Variants in FRK observed in about 807,000 individuals in gnomAD.
The protein encoded by FRK is tyrosine-protein kinase FRK.
FRK carries 51 observed loss-of-function variants against 56.4 expected under a neutral mutation model. The ratio of observed to expected loss-of-function variants is 0.90; its 90% confidence interval spans 0.72 to 1.14. The LOEUF (loss-of-function observed/expected upper bound fraction) is 1.14, where lower values mean the gene tolerates loss of function less well. Among genes scored for constraint, FRK ranks in the 50% most tolerant of loss-of-function variants. The pLI is 0.00. For synonymous variants in FRK, 245 were observed against 217.9 expected (o/e 1.12, Z -1.10); for missense variants, 570 against 601.4 (o/e 0.95, Z 0.55).
intron 1 of FRK, among the ~76,000 whole-genome samples, chr6:116,012,340 C>T (rs1395203819): frequency 6.6e-6 from 1 of 152,182 alleles, no homozygotes; most frequent in Admixed American, 6.6e-5. Flanking sequence ...TCAACTTTAT[C>T]CTCCCTATAT....
intron 1 of FRK, among the ~76,000 whole-genome samples, chr6:116,041,889 G>A (rs980395844): frequency 3.9e-5 from 6 of 152,170 alleles, no homozygotes; most frequent in African/African-American, 9.7e-5. Flanking sequence ...GATCACCAGC[G>A]AGACAGAACC....
Position 115,953,180 on chromosome 6 carries a change from A to ATT in FRK, c.958+3270_958+3271dup, listed in dbSNP as rs1554224845. Among the ~76,000 whole-genome samples the ATT allele has an allele frequency of 3.2e-3, 335 of 103,980 alleles. 13 individuals are homozygous for ATT. The highest frequency in any genetic ancestry group is 0.011 in the Middle Eastern group (2 of 176). 68.2% of individuals were successfully genotyped at this position (103,980 alleles called of 152,430 possible). A position where few individuals can be genotyped will look rare whatever the true frequency, so the allele number is the denominator to read the frequency against. On this transcript the variant is annotated intron_variant, in intron 5 of 7. Transcript: ENST00000606080. ...AGAGTGGTACATCCATTTTAAGGCC[A>ATT]TTTTTTTTTTTTTTTTTTTTTTTTT...
intron 1 of FRK, among the ~76,000 whole-genome samples, chr6:116,058,541 T>TA (rs1777481082): frequency 6.6e-6 from 1 of 152,112 alleles, no homozygotes; most frequent in Admixed American, 6.6e-5. Flanking sequence ...GACGCTCACA[T>TA]AAAAATAAGA....
At chr6:115,981,086 C>T (rs1774181567) in intron 2 of FRK, among the ~76,000 whole-genome samples, 1 of 152,004 alleles carries the variant, frequency 6.6e-6, no homozygotes, top group Non-Finnish European at 1.5e-5. Flanking sequence ...ACTTACTAAA[C>T]ATAAGAAAGA....
At chr6:115,943,998 A>G (rs1772316177) in intron 6 of FRK, among the ~76,000 whole-genome samples, 1 of 152,196 alleles carries the variant, frequency 6.6e-6, no homozygotes, top group South Asian at 2.1e-4. Context: ...TAGATCATTA[A>G]TTCAACTATA....
intron 1 of FRK, among the ~76,000 whole-genome samples, chr6:116,050,728 C>T (rs991951405): frequency 6.6e-6 from 1 of 152,174 alleles, no homozygotes; most frequent in African/African-American, 2.4e-5. Flanking sequence ...TCATATCTCC[C>T]ACTACACAAA....
chr6:116,038,873 G>A (rs1776596658), intron 1 of FRK: 1 of 559,576 alleles, frequency 1.8e-6, no homozygotes, highest in Non-Finnish European at 3.5e-6. Context: ...CACTGAGGTG[G>A]TTTGCACTCT....
intron 5 of FRK, among the ~76,000 whole-genome samples, chr6:115,948,788 T>A (rs991600120): frequency 1.3e-5 from 2 of 152,228 alleles, no homozygotes; most frequent in African/African-American, 2.4e-5. Context: ...GGAGCAATGA[T>A]AATCTTTTAA....
the FRK span, among the ~76,000 whole-genome samples, chr6:116,093,405 A>G: frequency 6.6e-6 from 1 of 152,232 alleles, no homozygotes; most frequent in African/African-American, 2.4e-5. Flanking sequence ...TGATAGGTAC[A>G]TAGATGTCCT....
chr6:115,960,380 G>A (rs1773299960), intron 4 of FRK, among the ~76,000 whole-genome samples: 2 of 151,178 alleles, frequency 1.3e-5, no homozygotes, highest in Admixed American at 1.3e-4. Flanking sequence ...CCCACACCTG[G>A]CTCAGAGGGT....
At position 115,943,017 on chromosome 6, in the gene FRK, C is replaced by T; in HGVS notation, c.1306+3G>A. The T allele has an allele frequency of 1.2e-6, 2 of 1,608,100 alleles. No individual in the cohort carries two copies. The highest frequency in any genetic ancestry group is 1.7e-6 in the Non-Finnish European group (2 of 1,177,916). On this transcript the variant is annotated splice_donor_region_variant and intron_variant, in intron 7 of 7. Transcript: ENST00000606080. ...AAGGTCCACTTCAGAATTAATTACT[C>T]ACCACTGTAAGGCATTTTGCCATAA...
In FRK at chr6:115,956,240, CT is replaced by C. The variant is rs375042662; in HGVS notation, c.958+211del. 1.9e-3 allele frequency among the ~76,000 whole-genome samples: 285 copies of C among 152,268 alleles called. 12 individuals carry two copies. In the South Asian group the frequency reaches 0.036, roughly 19 times the overall value. ...TAATATATCTGTTGTGAATAATTTT[CT>C]CTTCCACTGCATAAATATTTTCCAC... is the stretch of plus-strand genomic sequence containing the variant. On this transcript the variant is annotated intron_variant, in intron 5 of 7. Coordinates refer to ENST00000606080, the MANE Select transcript of FRK (RefSeq NM_002031.3).
At chr6:116,087,774 G>C in the FRK span, among the ~76,000 whole-genome samples, 1 of 152,232 alleles carries the variant, frequency 6.6e-6, no homozygotes, top group Non-Finnish European at 1.5e-5. Flanking sequence ...GGCCACTGTA[G>C]CAGATGGCAC....
chr6:116,003,561 G>A (rs778010255), intron 2 of FRK, among the ~76,000 whole-genome samples: 50 of 152,142 alleles, frequency 3.3e-4, no homozygotes, highest in African/African-American at 1.2e-3. Context: ...CAACAGTAGA[G>A]TTTTTGTTTC....
At chr6:116,061,793 T>A (rs184007043), upstream of FRK, among the ~76,000 whole-genome samples, 8 of 152,062 alleles carry the variant, frequency 5.3e-5, no homozygotes, top group East Asian at 1.5e-3. Context: ...ACTTTTTTTT[T>A]ATTTCTTTCT....
At chr6:116,069,890 T>G in the FRK span, among the ~76,000 whole-genome samples, 1 of 152,100 alleles carries the variant, frequency 6.6e-6, no homozygotes, top group African/African-American at 2.4e-5. Context: ...ACAGTCTGCC[T>G]TTTTAACAAG....
chr6:115,967,765 G>T, intron 3 of FRK, 46 bp from the exon 4 acceptor site: 1 of 1,211,996 alleles, frequency 8.3e-7, no homozygotes, highest in Non-Finnish European at 1.1e-6. Context: ...AAAAAAAGTA[G>T]ATTTAATATT....
At chr6:116,047,355 CAG>C (rs571571664) in intron 1 of FRK, among the ~76,000 whole-genome samples, 153 of 150,622 alleles carry the variant, frequency 1.0e-3, no homozygotes, top group African/African-American at 3.5e-3. Flanking sequence ...TAGGAAACTG[CAG>C]ACTCTACCCA....
intron 1 of FRK, chr6:116,039,618 C>G (rs1776635144): frequency 2.6e-6 from 2 of 763,842 alleles, no homozygotes; most frequent in Non-Finnish European, 4.9e-6. Flanking sequence ...GCGGCCTCAT[C>G]CAAACTGTAC....
Sources: allele counts gnomAD v4.1 joint callset (sites outside exome capture counted in the v4.1 genomes callset), GRCh38; gene constraint gnomAD v4.1.1; transcripts MANE v1.5; gene names NCBI Gene and HGNC (gene_info 2026-07-23, HGNC 2026-07-21).